GPC5: variants seen among roughly 807,000 people sequenced by gnomAD.
GPC5 encodes glypican-5.
Under a neutral mutation model 53.9 loss-of-function variants are expected in GPC5, and 47 were observed. The ratio of observed to expected loss-of-function variants is 0.87; its 90% CI spans 0.69 to 1.11. GPC5 has a LOEUF of 1.11. Among genes scored for constraint, GPC5 ranks in the 50% most tolerant of loss-of-function variants. The pLI, the probability that GPC5 is intolerant of heterozygous loss-of-function variation, is 0.00. For synonymous variants in GPC5, 286 were observed against 263.3 expected (o/e 1.09, Z -0.84); for missense variants, 748 against 713.1 (o/e 1.05, Z -0.56).
At chr13:92,673,948 T>C (rs1285230882) in intron 7 of GPC5, among the ~76,000 whole-genome samples, 1 of 152,190 alleles carries the variant, frequency 6.6e-6, no homozygotes, top group African/African-American at 2.4e-5. Context: ...AAAATGTTGA[T>C]ATTAAAATAG....
chr13:92,329,714 A>G (rs2043275731), intron 7 of GPC5, among the ~76,000 whole-genome samples: 1 of 152,142 alleles, frequency 6.6e-6, no homozygotes, highest in African/African-American at 2.4e-5. Context: ...TGAGGAGTTT[A>G]TTTAAATAAA....
Position 91,398,905 on chromosome 13 carries a change from C to T in GPC5, c.-142C>T, listed in dbSNP as rs1437431883. On this transcript the variant is annotated 5_prime_UTR_variant, in exon 1 of 8. Transcript: ENST00000377067. ...TAACTGCTCCCAGGTGAAGCCGGTGCCCGCGGGCGGTCCGTACACCCCGCA... is the reference window on the plus strand; with the variant it reads ...TAACTGCTCCCAGGTGAAGCCGGTGTCCGCGGGCGGTCCGTACACCCCGCA... 1 of 1,024,740 alleles carries T rather than the reference C, an allele frequency of 9.8e-7. No homozygotes were observed. The highest frequency in any genetic ancestry group is 1.7e-5 in the African/African-American group (1 of 60,438). The allele number at this position is 1,024,740 out of a possible 1,614,324, so 63.5% of individuals were successfully genotyped here. A position where few individuals can be genotyped will look rare whatever the true frequency, so the allele number is the denominator to read the frequency against.
intron 3 of GPC5, among the ~76,000 whole-genome samples, chr13:91,723,946 A>T (rs2036526512): frequency 6.6e-6 from 1 of 152,192 alleles, no homozygotes; most frequent in Admixed American, 6.5e-5. Flanking sequence ...ATAAAACTAA[A>T]ATCGTGGACT....
chr13:92,557,036 C>A (rs370577528), intron 7 of GPC5, among the ~76,000 whole-genome samples: 57 of 151,616 alleles, frequency 3.8e-4, no homozygotes, highest in African/African-American at 1.3e-3. Context: ...GATCAGATAA[C>A]AGGATTGACT....
intron 7 of GPC5, among the ~76,000 whole-genome samples, chr13:92,188,912 C>A (rs938149017): frequency 6.6e-6 from 1 of 152,128 alleles, no homozygotes; most frequent in Admixed American, 6.5e-5. Flanking sequence ...AGTGAGGTCA[C>A]GAGGCAATCA....
intron 7 of GPC5, among the ~76,000 whole-genome samples, chr13:92,719,496 C>A (rs1888440651): frequency 6.6e-6 from 1 of 152,094 alleles, no homozygotes; most frequent in African/African-American, 2.4e-5. Context: ...CCTCACTTCC[C>A]ATTAAAGGAT....
chr13:92,006,216 G>C (rs1313182344), intron 6 of GPC5, among the ~76,000 whole-genome samples: 3 of 152,070 alleles, frequency 2.0e-5, no homozygotes, highest in African/African-American at 7.2e-5. Flanking sequence ...CAAAATGATG[G>C]CATAGTCTGA....
intron 5 of GPC5, among the ~76,000 whole-genome samples, chr13:91,880,717 G>A (rs1160077763): frequency 6.6e-6 from 1 of 152,004 alleles, no homozygotes; most frequent in Non-Finnish European, 1.5e-5. Flanking sequence ...CCTTAAGTTG[G>A]GGAAAAAGTG....
At chr13:92,076,646 T>C (rs2041254578) in intron 6 of GPC5, among the ~76,000 whole-genome samples, 1 of 150,888 alleles carries the variant, frequency 6.6e-6, no homozygotes, top group Admixed American at 6.6e-5. Flanking sequence ...TCTCATCAGA[T>C]GGATTTTTTT....
intron 7 of GPC5, among the ~76,000 whole-genome samples, chr13:92,235,086 C>T (rs1481245449): frequency 6.6e-6 from 1 of 152,040 alleles, no homozygotes; most frequent in Non-Finnish European, 1.5e-5. Context: ...GACATGAACT[C>T]AATCAAAAAA....
intron 2 of GPC5, among the ~76,000 whole-genome samples, chr13:91,650,288 T>C (rs903201160): frequency 3.3e-5 from 5 of 152,182 alleles, no homozygotes; most frequent in Non-Finnish European, 2.9e-5. Flanking sequence ...CTCTCACTTG[T>C]GTCCATGTCT....
intron 7 of GPC5, among the ~76,000 whole-genome samples, chr13:92,803,572 T>G (rs1876986572): frequency 6.6e-6 from 1 of 151,910 alleles, no homozygotes; most frequent in East Asian, 1.9e-4. Flanking sequence ...AAATAATTAT[T>G]TATCACCTAA....
At chr13:92,473,827 T>G (rs1398271435) in intron 7 of GPC5, among the ~76,000 whole-genome samples, 1 of 152,114 alleles carries the variant, frequency 6.6e-6, no homozygotes, top group Non-Finnish European at 1.5e-5. Context: ...AAATTATTCA[T>G]GTACTGAGGG....
chr13:92,531,651 T>C (rs1881567379), intron 7 of GPC5, among the ~76,000 whole-genome samples: 1 of 152,148 alleles, frequency 6.6e-6, no homozygotes, highest in African/African-American at 2.4e-5. Flanking sequence ...TTGCTTCAGT[T>C]CAAAAACCAT....
chr13:92,799,225 T>G (rs1421490254), intron 7 of GPC5, among the ~76,000 whole-genome samples: 1 of 151,786 alleles, frequency 6.6e-6, no homozygotes, highest in Non-Finnish European at 1.5e-5. Context: ...CTGAAATGCC[T>G]GTTATCCAGA....
chr13:92,360,415 T>G (rs1254793849), intron 7 of GPC5, among the ~76,000 whole-genome samples: 1 of 151,734 alleles, frequency 6.6e-6, no homozygotes, highest in African/African-American at 2.4e-5. Context: ...AGGCTTTTGA[T>G]AGAATTCAAC....
chr13:92,098,974 C>A (rs1299853154), intron 6 of GPC5, among the ~76,000 whole-genome samples: 1 of 131,474 alleles, frequency 7.6e-6, no homozygotes. Flanking sequence ...TTTTTTTTGT[C>A]ATCTAATTTT....
intron 7 of GPC5, among the ~76,000 whole-genome samples, chr13:92,649,820 G>C (rs554968300): frequency 1.3e-5 from 2 of 152,012 alleles, no homozygotes; most frequent in African/African-American, 4.8e-5. Context: ...CTCTTAAAAC[G>C]TAATTTCCTT....
chr13:92,714,963 G>T (rs192608820), intron 7 of GPC5, among the ~76,000 whole-genome samples: 1 of 152,246 alleles, frequency 6.6e-6, no homozygotes, highest in East Asian at 1.9e-4. Context: ...CTATTCGGAA[G>T]GCTGAAGCAG....
Sources: allele counts gnomAD v4.1 joint callset (sites outside exome capture counted in the v4.1 genomes callset), GRCh38; gene constraint gnomAD v4.1.1; transcripts MANE v1.5; gene names NCBI Gene and HGNC (gene_info 2026-07-23, HGNC 2026-07-21).